Variants in SGIP1 observed in about 807,000 individuals in gnomAD.
SGIP1 encodes SH3-containing GRB2-like protein 3-interacting protein 1.
In SGIP1, 38 loss-of-function variants were observed where a neutral mutation model predicts 107.5. The observed-to-expected ratio is 0.35, with a 90% CI of 0.27 to 0.46. SGIP1 has a LOEUF of 0.46. SGIP1 is among the 20% of genes least tolerant of loss of function. The pLI is 1.00. For missense variants in SGIP1, 929 were observed against 1,019.5 expected (o/e 0.91, Z 1.21); for synonymous variants, 365 against 366.1 (o/e 1.00, Z 0.03).
intron 19 of SGIP1, 42 bp downstream of exon 19, chr1:66,719,447 C>G (rs1430964362): frequency 2.0e-6 from 3 of 1,517,884 alleles, no homozygotes; most frequent in South Asian, 1.2e-5. Context: ...TGAGTTCTGT[C>G]CTATTGAGTG....
rs756426081 is a variant in SGIP1, at chr1:66,739,454, T to C, written c.2151T>C (p.Ala717=). 1.2e-6 allele frequency: 2 copies of C among 1,614,208 alleles called. No homozygotes were observed. Among genetic ancestry groups the C allele is most frequent in the Admixed American group, 3.3e-5 (2 of 60,026 alleles). ...YKYNTDAMTT[A]VALNNVQFLV... ...ATAATACAGATGCAATGACGACTGCTGTGGCCCTCAACAATGTGCAGTTCC... is the reference window on the plus strand; with the variant it reads ...ATAATACAGATGCAATGACGACTGCCGTGGCCCTCAACAATGTGCAGTTCC... Residue 717 remains alanine (A), a synonymous_variant, in exon 22 of 25, where the codon GCT becomes GCC. Coordinates refer to ENST00000371037, the MANE Select transcript of SGIP1 (RefSeq NM_032291.4).
intron 1 of SGIP1, among the ~76,000 whole-genome samples, chr1:66,547,669 G>T (rs895568409): frequency 6.6e-6 from 1 of 152,122 alleles, no homozygotes; most frequent in Non-Finnish European, 1.5e-5. Flanking sequence ...AGACACAGGC[G>T]AGCAAGACAC....
intron 1 of SGIP1, among the ~76,000 whole-genome samples, chr1:66,563,742 AT>A (rs1234201226): frequency 5.3e-5 from 8 of 151,984 alleles, no homozygotes; most frequent in Non-Finnish European, 4.4e-5. Flanking sequence ...GCAGTAAATA[AT>A]TTCCCAGTTC....
intron 1 of SGIP1, among the ~76,000 whole-genome samples, chr1:66,601,221 T>C (rs948127276): frequency 2.6e-5 from 4 of 151,880 alleles, no homozygotes; most frequent in Non-Finnish European, 5.9e-5. Flanking sequence ...AAAAATTAGC[T>C]GGGCGTGGTG....
intron 1 of SGIP1, among the ~76,000 whole-genome samples, chr1:66,620,028 CA>C (rs2070547522): frequency 1.3e-5 from 2 of 152,170 alleles, no homozygotes; most frequent in Admixed American, 6.5e-5. Flanking sequence ...ATTCTCCTTT[CA>C]GTGTAACATT....
chr1:66,697,356 G>A (rs17439307), intron 18 of SGIP1, among the ~76,000 whole-genome samples: 9,043 of 152,236 alleles, frequency 0.059, 345 homozygotes, highest in Non-Finnish European at 0.086. Flanking sequence ...ATTCTAATTA[G>A]TGAGACCCAA....
rs2094581605 is a variant in SGIP1 at position 66,748,412 on chromosome 1, T to C, written c.*5317T>C. On this transcript the variant is annotated 3_prime_UTR_variant, in exon 25 of 25. Coordinates refer to ENST00000371037, the MANE Select transcript of SGIP1 (RefSeq NM_032291.4). The stretch of plus-strand genomic sequence containing the variant: ...ATATATTTCATGAAGGAATGTCAAA[T>C]GTAAAGTCTGTTGAGTTGACCATGG... 1 of 151,998 alleles carries C rather than the reference T, an allele frequency of 6.6e-6. No homozygotes were observed. The highest frequency in any genetic ancestry group is 1.5e-5 in the Non-Finnish European group (1 of 67,852). The allele number at this position is 151,998 out of a possible 1,614,324, so 9.4% of individuals were successfully genotyped here. A position where few individuals can be genotyped will look rare whatever the true frequency, so the allele number is the denominator to read the frequency against.
In SGIP1 at chr1:66,743,141, G is replaced by T; in HGVS notation, c.*46G>T. The T allele has an allele frequency of 6.3e-7, 1 of 1,598,986 alleles. No homozygotes were observed. The highest frequency in any genetic ancestry group is 1.1e-5 in the South Asian group (1 of 90,106). The stretch of plus-strand genomic sequence containing the variant: ...TGGAGGATTCATATAATGGAGAACT[G>T]ATGTATGAGAAACAGATTTTAATTT... On this transcript the variant is annotated 3_prime_UTR_variant, in exon 25 of 25. Coordinates refer to ENST00000371037, the MANE Select transcript of SGIP1 (RefSeq NM_032291.4).
At chr1:66,602,040 G>C (rs2065937628) in intron 1 of SGIP1, among the ~76,000 whole-genome samples, 1 of 152,108 alleles carries the variant, frequency 6.6e-6, no homozygotes, top group Non-Finnish European at 1.5e-5. Flanking sequence ...ACAGACCAAG[G>C]AGCTGCTAAC....
intron 18 of SGIP1, among the ~76,000 whole-genome samples, chr1:66,711,474 A>G (rs956558327): frequency 6.6e-6 from 1 of 152,198 alleles, no homozygotes; most frequent in Non-Finnish European, 1.5e-5. Flanking sequence ...TCTATAAATT[A>G]CTGTAGAATT....
At chr1:66,572,391 C>T (rs1450722353) in intron 1 of SGIP1, among the ~76,000 whole-genome samples, 5 of 152,016 alleles carry the variant, frequency 3.3e-5, no homozygotes, top group African/African-American at 1.2e-4. Flanking sequence ...TAGAGAAACA[C>T]TGAGACTTGA....
At chr1:66,696,370 A>G (rs2090923297) in intron 18 of SGIP1, among the ~76,000 whole-genome samples, 1 of 152,284 alleles carries the variant, frequency 6.6e-6, no homozygotes, top group South Asian at 2.1e-4. Context: ...AAATAGCTAC[A>G]TTTATCCCAG....
At chr1:66,593,273 T>C (rs985080169) in intron 1 of SGIP1, among the ~76,000 whole-genome samples, 2 of 152,182 alleles carry the variant, frequency 1.3e-5, no homozygotes, top group Non-Finnish European at 2.9e-5. Context: ...CAGGTTTTTG[T>C]GTGGACAGAG....
rs1246415382 is a variant in SGIP1, at chr1:66,749,723, T to G, written c.*6628T>G. 6.6e-6 allele frequency among the ~76,000 whole-genome samples: 1 copy of G among 152,120 alleles called. No individual in the cohort carries two copies. The highest frequency in any genetic ancestry group is 1.9e-4 in the East Asian group (1 of 5,206). ...CATACAAATGTTAATTCCATCTCGC[T>G]CATTCAGTTTTACATTACTTTTATG... On this transcript the variant is annotated 3_prime_UTR_variant, in exon 25 of 25. Transcript: ENST00000371037.
intron 2 of SGIP1, among the ~76,000 whole-genome samples, chr1:66,627,258 G>A (rs548806588): frequency 6.6e-6 from 1 of 152,206 alleles, no homozygotes; most frequent in East Asian, 1.9e-4. Context: ...GCTTCGGGGT[G>A]GGGGAGGAGA....
intron 1 of SGIP1, among the ~76,000 whole-genome samples, chr1:66,571,671 G>T (rs1295687867): frequency 6.6e-6 from 1 of 151,988 alleles, no homozygotes; most frequent in Non-Finnish European, 1.5e-5. Flanking sequence ...CAAGTTCTCT[G>T]CTGGCTACAG....
chr1:66,689,347 G>T, intron 16 of SGIP1, 72 bp downstream of exon 16: 1 of 1,545,482 alleles, frequency 6.5e-7, no homozygotes, highest in Non-Finnish European at 8.7e-7. Flanking sequence ...ATGCCTTCAG[G>T]TCTAAGCGTT....
At chr1:66,716,634 T>G (rs1479792799) in intron 18 of SGIP1, among the ~76,000 whole-genome samples, 5 of 152,024 alleles carry the variant, frequency 3.3e-5, no homozygotes, top group South Asian at 2.1e-4. Flanking sequence ...CCTCCCATCT[T>G]CCGTTCAGGG....
At chr1:66,712,953 G>A (rs1488091196) in intron 18 of SGIP1, among the ~76,000 whole-genome samples, 2 of 152,044 alleles carry the variant, frequency 1.3e-5, no homozygotes, top group Non-Finnish European at 2.9e-5. Flanking sequence ...ATGCTTTTTT[G>A]TCGGAGGTCC....
Sources: allele counts gnomAD v4.1 joint callset (sites outside exome capture counted in the v4.1 genomes callset), GRCh38; gene constraint gnomAD v4.1.1; transcripts MANE v1.5; gene names NCBI Gene and HGNC (gene_info 2026-07-23, HGNC 2026-07-21).